HDAC4: variants seen among roughly 807,000 people sequenced by gnomAD.
HDAC4 encodes histone deacetylase 4.
In HDAC4, 16 loss-of-function variants were observed where a neutral mutation model predicts 135.1. The observed-to-expected ratio is 0.12, with a 90% CI of 0.08 to 0.18. The LOEUF is 0.18. Among genes scored for constraint, HDAC4 ranks in the 10% least tolerant of loss-of-function variants. The pLI, the probability that HDAC4 is intolerant of heterozygous loss-of-function variation, is 1.00. For missense variants in HDAC4, 1,143 were observed against 1,511.8 expected, an observed-to-expected ratio of 0.76 and a Z score of 4.05; for synonymous variants, 685 against 653.4, an observed-to-expected ratio of 1.05 and a Z score of -0.74.
At chr2:239,212,442 C>T (rs2153099727) in intron 3 of HDAC4, among the ~76,000 whole-genome samples, 1 of 152,236 alleles carries the variant, frequency 6.6e-6, no homozygotes, top group African/African-American at 2.4e-5. Context: ...AACACAGATC[C>T]CACAAGCAGA....
intron 3 of HDAC4, among the ~76,000 whole-genome samples, chr2:239,204,498 G>A (rs552721216): frequency 3.3e-5 from 5 of 152,342 alleles, no homozygotes; most frequent in African/African-American, 1.2e-4. Flanking sequence ...AGGGAAATGG[G>A]CAGAGGGCTC....
intron 15 of HDAC4, among the ~76,000 whole-genome samples, chr2:239,106,457 G>A (rs1285808790): frequency 2.6e-5 from 4 of 152,170 alleles, no homozygotes; most frequent in East Asian, 1.9e-4. Flanking sequence ...GGGAAGGGAC[G>A]TGGGGAAGGA....
chr2:239,183,715 C>T (rs2044304107), intron 4 of HDAC4, among the ~76,000 whole-genome samples: 2 of 152,180 alleles, frequency 1.3e-5, no homozygotes, highest in South Asian at 4.1e-4. Flanking sequence ...CTGCCCCCTG[C>T]CTCCCCACCG....
Position 239,082,172 on chromosome 2 carries a change from C to T in HDAC4, c.2582G>A (p.Ser861Asn). The change falls in exon 21 of 27, where the codon AGC becomes AAC. Residue 861 changes from serine (S) to asparagine (N), a missense_variant. Physicochemically the swap from Ser to Asn is conservative, Grantham distance 46. Transcript: ENST00000543185. ...GTQQAFYSDP[S>N]VLYMSLHRYD... ...GCGGTGGAGGGACATGTACAGGACG[C>T]TGGGGTCGCTGTAGAAAGCCTGCTG... is the stretch of plus-strand genomic sequence containing the variant. 1 of 1,614,162 alleles carries T rather than the reference C, an allele frequency of 6.2e-7. No homozygotes were observed. Among genetic ancestry groups the T allele is most frequent in the Non-Finnish European group, 8.5e-7 (1 of 1,180,022 alleles).
intron 2 of HDAC4, among the ~76,000 whole-genome samples, chr2:239,325,163 C>T (rs552315199): frequency 2.9e-4 from 44 of 152,296 alleles, no homozygotes; most frequent in African/African-American, 9.9e-4. Flanking sequence ...GGGGGTTAGT[C>T]TTCATGACCT....
chr2:239,321,224 G>A (rs753415031), intron 2 of HDAC4, among the ~76,000 whole-genome samples: 13 of 152,164 alleles, frequency 8.5e-5, no homozygotes, highest in African/African-American at 3.1e-4. Context: ...CCGGCACTTT[G>A]GAAGGTGAAG....
At chr2:239,291,597 C>T (rs933927880) in intron 2 of HDAC4, among the ~76,000 whole-genome samples, 1 of 152,228 alleles carries the variant, frequency 6.6e-6, no homozygotes, top group African/African-American at 2.4e-5. Context: ...CCGAAGCCAG[C>T]CTGCTGCTCA....
In HDAC4 at chr2:239,151,965, C is replaced by T. The variant is rs1034145052; in HGVS notation, c.733+4687G>A. Among the ~76,000 whole-genome samples the T allele has an allele frequency of 5.3e-5, 8 of 152,006 alleles. No homozygotes were observed. The East Asian group carries it at 9.7e-4, about 18-fold the overall frequency. ...CCAAGAAGCTGCTGACAAATGGGAA[C>T]GAACTGTGCTGGCTGGACAACAGTT... is the stretch of plus-strand genomic sequence containing the variant. On this transcript the variant is annotated intron_variant, in intron 7 of 26. Coordinates refer to ENST00000543185, the MANE Select transcript of HDAC4 (RefSeq NM_001378414.1).
chr2:239,340,018 C>T (rs985367023), intron 2 of HDAC4, among the ~76,000 whole-genome samples: 2 of 152,178 alleles, frequency 1.3e-5, no homozygotes, highest in Non-Finnish European at 2.9e-5. Flanking sequence ...GGCTGGGGGC[C>T]TGAACACAAA....
intron 1 of HDAC4, among the ~76,000 whole-genome samples, chr2:239,385,934 C>G (rs1015204757): frequency 5.3e-5 from 8 of 152,198 alleles, no homozygotes; most frequent in Admixed American, 1.3e-4. Context: ...GCAAGGTAAA[C>G]AGAGGCCCAG....
At chr2:239,183,658 C>T (rs2044299383) in intron 4 of HDAC4, among the ~76,000 whole-genome samples, 3 of 152,208 alleles carry the variant, frequency 2.0e-5, no homozygotes, top group African/African-American at 4.8e-5. Flanking sequence ...TTAACCTTCA[C>T]CCAGAGGCAC....
intron 4 of HDAC4, among the ~76,000 whole-genome samples, chr2:239,185,399 C>T (rs904550270): frequency 6.6e-6 from 1 of 151,608 alleles, no homozygotes; most frequent in African/African-American, 2.4e-5. Flanking sequence ...CCCACGCCTC[C>T]TGGGGAGAGG....
At chr2:239,231,427 C>A (rs555834) in intron 3 of HDAC4, among the ~76,000 whole-genome samples, 2 of 151,978 alleles carry the variant, frequency 1.3e-5, no homozygotes, top group African/African-American at 4.8e-5. Flanking sequence ...ACAGCGGCCA[C>A]GGGATCTGAG....
At chr2:239,362,031 T>C (rs926232818) in intron 1 of HDAC4, among the ~76,000 whole-genome samples, 1 of 152,220 alleles carries the variant, frequency 6.6e-6, no homozygotes, top group Non-Finnish European at 1.5e-5. Context: ...TAATAAATAA[T>C]AGACGAATGT....
chr2:239,154,064 G>C (rs1399882551), intron 7 of HDAC4, among the ~76,000 whole-genome samples: 1 of 152,188 alleles, frequency 6.6e-6, no homozygotes, highest in Non-Finnish European at 1.5e-5. Flanking sequence ...ATAGCTCCTA[G>C]GGCTCCCCCA....
At chr2:239,183,728 C>T (rs1388254567) in intron 4 of HDAC4, among the ~76,000 whole-genome samples, 1 of 152,212 alleles carries the variant, frequency 6.6e-6, no homozygotes, top group South Asian at 2.1e-4. Flanking sequence ...CCCCACCGCA[C>T]CCCTGTCCTG....
intron 18 of HDAC4, among the ~76,000 whole-genome samples, chr2:239,088,353 G>C (rs1034867590): frequency 6.6e-6 from 1 of 152,246 alleles, no homozygotes; most frequent in Non-Finnish European, 1.5e-5. Context: ...CATGGACGGG[G>C]TGAGCCGGAC....
rs2153198261 is a variant in HDAC4, at chr2:239,245,048, C to T, written c.23-8384G>A. Among the ~76,000 whole-genome samples, 1 of 152,282 alleles carries T rather than the reference C, an allele frequency of 6.6e-6. No individual in the cohort carries two copies. On this transcript the variant is annotated intron_variant, in intron 2 of 26. Coordinates refer to ENST00000543185, the MANE Select transcript of HDAC4 (RefSeq NM_001378414.1). The surrounding 1 kb of genome is among the most constrained non-coding windows in gnomAD (Gnocchi z 4.4). ...GAAATTAAACTTTAATGAGTAAGTG[C>T]TGTGAATTCCTCAGGCATGTCCAAC...
chr2:239,066,140 G>C (rs1004306485), intron 24 of HDAC4, among the ~76,000 whole-genome samples: 1 of 152,186 alleles, frequency 6.6e-6, no homozygotes, highest in African/African-American at 2.4e-5. Flanking sequence ...CTCTCACCCC[G>C]AGCCCGTGGA....
Sources: allele counts gnomAD v4.1 joint callset (sites outside exome capture counted in the v4.1 genomes callset), GRCh38; gene constraint gnomAD v4.1.1; non-coding constraint Gnocchi (gnomAD v3.1); transcripts MANE v1.5; gene names NCBI Gene and HGNC (gene_info 2026-07-23, HGNC 2026-07-21).